OCA2: variants seen among roughly 807,000 people sequenced by gnomAD.
OCA2 encodes the protein OCA2 melanosomal transmembrane protein.
Under a neutral mutation model 100.2 loss-of-function variants are expected in OCA2, and 77 were observed. The observed-to-expected ratio is 0.77, with a 90% CI of 0.64 to 0.93. The LOEUF (loss-of-function observed/expected upper bound fraction) is 0.93, where lower values mean the gene tolerates loss of function less well. OCA2 is among the 40% of genes least tolerant of loss of function. OCA2 has a pLI of 0.00. For synonymous variants in OCA2, 432 were observed against 439.2 expected (o/e 0.98, Z 0.21); for missense variants, 1,062 against 1,089.1 (o/e 0.98, Z 0.35).
At chr15:27,769,884 TC>T (rs2031579527) in intron 23 of OCA2, among the ~76,000 whole-genome samples, 2 of 137,790 alleles carry the variant, frequency 1.5e-5, no homozygotes, top group African/African-American at 7.1e-5. Context: ...GTGCAGCGCC[TC>T]GGCCTGTGTG....
chr15:27,888,845 C>T (rs1839147), intron 19 of OCA2, among the ~76,000 whole-genome samples: 61,696 of 151,722 alleles, frequency 0.41, 13,940 homozygotes, highest in East Asian at 0.6. Flanking sequence ...GTGGTTTTTC[C>T]GGGTCTGTTA....
intron 2 of OCA2, among the ~76,000 whole-genome samples, chr15:28,073,134 C>A (rs1017619895): frequency 6.6e-6 from 1 of 152,184 alleles, no homozygotes; most frequent in Non-Finnish European, 1.5e-5. Context: ...GTAAAATCCG[C>A]AGGGCACGGT....
chr15:27,956,151 A>G (rs2040216109), intron 16 of OCA2, among the ~76,000 whole-genome samples: 1 of 152,080 alleles, frequency 6.6e-6, no homozygotes, highest in Non-Finnish European at 1.5e-5. Flanking sequence ...GGAGTTCGAG[A>G]TCAGCCTGAC....
intron 18 of OCA2, among the ~76,000 whole-genome samples, chr15:27,932,160 G>T (rs1384933011): frequency 2.0e-5 from 3 of 152,220 alleles, no homozygotes; most frequent in Admixed American, 2.0e-4. Context: ...CTGAGAGAAG[G>T]TTCCACAAAG....
chr15:27,903,799 C>T (rs921504240), intron 19 of OCA2, among the ~76,000 whole-genome samples: 1 of 152,222 alleles, frequency 6.6e-6, no homozygotes, highest in Admixed American at 6.5e-5. Flanking sequence ...TTAATATCTG[C>T]ATAGCATTTC....
chr15:28,019,402 T>C (rs1295313527), intron 6 of OCA2, among the ~76,000 whole-genome samples: 1 of 152,032 alleles, frequency 6.6e-6, no homozygotes, highest in Non-Finnish European at 1.5e-5. Context: ...TCTGTTCATT[T>C]GCCCAGTGCC....
chr15:28,032,163 C>A lies in OCA2; in HGVS notation c.228G>T (p.Arg76Ser). Residue 76 changes from arginine (R) to serine (S), a missense_variant and splice_region_variant, in exon 3 of 24, where the codon AGG becomes AGT. Arg to Ser is a moderately radical substitution (Grantham distance 110). Coordinates refer to ENST00000354638, the MANE Select transcript of OCA2 (RefSeq NM_000275.3). Reference sequence around the variant, plus strand: ...ACATCTGGGGCAAAGAAGAGTGAGACCTGAAAGAGACAGGGTAGGAAACAG... The same window carrying A: ...ACATCTGGGGCAAAGAAGAGTGAGAACTGAAAGAGACAGGGTAGGAAACAG... ...QEFASFLTKGRSHSSLPQMSS... is the reference protein window; with the variant it reads ...QEFASFLTKGSSHSSLPQMSS... 3 of 1,608,068 alleles carry A rather than the reference C, an allele frequency of 1.9e-6. No homozygotes were observed. The highest frequency in any genetic ancestry group is 1.1e-5 in the South Asian group (1 of 90,940).
chr15:27,956,870 C>T (rs1302312048), intron 16 of OCA2, among the ~76,000 whole-genome samples: 1 of 152,228 alleles, frequency 6.6e-6, no homozygotes, highest in Non-Finnish European at 1.5e-5. Context: ...CCCCTCAGTG[C>T]ACAGCGAATG....
chr15:28,031,108 C>T (rs1212960970), intron 3 of OCA2, among the ~76,000 whole-genome samples: 4 of 152,138 alleles, frequency 2.6e-5, no homozygotes, highest in African/African-American at 7.2e-5. Context: ...GAAGCTGTAA[C>T]TAATCAAATT....
chr15:27,994,289 C>T (rs189670806), intron 9 of OCA2, among the ~76,000 whole-genome samples: 25 of 152,150 alleles, frequency 1.6e-4, no homozygotes, highest in Admixed American at 7.2e-4. Context: ...AACTAATGCC[C>T]GATGATCTGA....
the OCA2 span, among the ~76,000 whole-genome samples, chr15:27,729,610 T>C: frequency 6.6e-6 from 1 of 152,152 alleles, no homozygotes; most frequent in Admixed American, 6.5e-5. Context: ...CAACAGGGTC[T>C]CCCTACTTCT....
intron 14 of OCA2, among the ~76,000 whole-genome samples, chr15:27,975,046 T>C (rs1206906793): frequency 1.3e-5 from 2 of 152,222 alleles, no homozygotes; most frequent in African/African-American, 2.4e-5. Context: ...GACTGCTCTT[T>C]GCCCTCAGTT....
chr15:27,801,536 G>C (rs1385594609), intron 23 of OCA2, among the ~76,000 whole-genome samples: 1 of 117,856 alleles, frequency 8.5e-6, no homozygotes, highest in Non-Finnish European at 1.6e-5. Context: ...TGGCGACAGA[G>C]TGAGACTCGG....
the OCA2 span, among the ~76,000 whole-genome samples, chr15:27,729,289 ATTTTTTT>A: frequency 1.8e-4 from 20 of 111,206 alleles, no homozygotes; most frequent in African/African-American, 5.4e-4. Context: ...ATTATCATCT[ATTTTTTT>A]TTTTTTTTTT....
the OCA2 span, among the ~76,000 whole-genome samples, chr15:27,744,661 G>T: frequency 6.6e-6 from 1 of 152,190 alleles, no homozygotes; most frequent in Admixed American, 6.5e-5. Flanking sequence ...CAAAGCCAAA[G>T]ACAGACCCTC....
chr15:28,050,567 G>GAA (rs772566545), intron 2 of OCA2, among the ~76,000 whole-genome samples: 5 of 102,678 alleles, frequency 4.9e-5, no homozygotes, highest in Non-Finnish European at 7.3e-5. Context: ...TCTCAAAAAA[G>GAA]AAAAAAAAAA....
intron 19 of OCA2, among the ~76,000 whole-genome samples, chr15:27,897,291 G>A (rs1177799594): frequency 1.3e-5 from 2 of 152,088 alleles, no homozygotes; most frequent in Non-Finnish European, 2.9e-5. Context: ...GTGCCTCCCT[G>A]CCCTGTGTAG....
At chr15:27,856,941 C>T (rs1030002894) in intron 21 of OCA2, among the ~76,000 whole-genome samples, 3 of 152,182 alleles carry the variant, frequency 2.0e-5, no homozygotes, top group South Asian at 2.1e-4. Flanking sequence ...CAACATAATA[C>T]TCAAAATGTT....
the OCA2 span, among the ~76,000 whole-genome samples, chr15:27,743,066 G>A: frequency 2.0e-5 from 3 of 152,316 alleles, no homozygotes; most frequent in African/African-American, 4.8e-5. Flanking sequence ...CTGCCTCTGC[G>A]ATCCTGCTGC....
Sources: allele counts gnomAD v4.1 joint callset (sites outside exome capture counted in the v4.1 genomes callset), GRCh38; gene constraint gnomAD v4.1.1; transcripts MANE v1.5; gene names NCBI Gene and HGNC (gene_info 2026-07-23, HGNC 2026-07-21).